Variants in TMEM100 observed in about 807,000 individuals in gnomAD.
TMEM100 encodes transmembrane protein 100.
For missense variants in TMEM100, 137 were observed against 168.2 expected (o/e 0.81, Z 1.02); for synonymous variants, 61 against 67.1 (o/e 0.91, Z 0.44).
chr17:55,727,028 A>G (rs1909090663), upstream of TMEM100, among the ~76,000 whole-genome samples: 1 of 152,220 alleles, frequency 6.6e-6, no homozygotes, highest in African/African-American at 2.4e-5. Flanking sequence ...GGAAACATAC[A>G]TCTTTTAGAT....
Position 55,720,578 on chromosome 17 carries a change from T to C in TMEM100, c.*88A>G. 6.9e-7 allele frequency: 1 copy of C among 1,456,412 alleles called. No homozygotes were observed. Among genetic ancestry groups the C allele is most frequent in the African/African-American group, 1.4e-5 (1 of 70,454 alleles). 90.2% of individuals were successfully genotyped at this position (1,456,412 alleles called of 1,614,324 possible). Reference sequence around the variant, plus strand: ...CCAGTCTGCTCCAACGCCAAGTCTGTTCTCTCCCACCATGGTTCTGGGTGA... The same window carrying C: ...CCAGTCTGCTCCAACGCCAAGTCTGCTCTCTCCCACCATGGTTCTGGGTGA... On this transcript the variant is annotated 3_prime_UTR_variant, in exon 2 of 2. Transcript: ENST00000424486.
At chr17:55,730,973 C>G (rs921042592) in intron 1 of TMEM100, among the ~76,000 whole-genome samples, 1 of 152,112 alleles carries the variant, frequency 6.6e-6, no homozygotes, top group African/African-American at 2.4e-5. Context: ...CTTGGTAAAA[C>G]CAATGATCCC....
At position 55,720,430 on chromosome 17, in the gene TMEM100, A is replaced by G. The variant is rs1908829300; in HGVS notation, c.*236T>C. On this transcript the variant is annotated 3_prime_UTR_variant, in exon 2 of 2. Transcript: ENST00000424486. ...ACTCCCATGACCCCCAAAGTGTTTC[A>G]TGTAAATAGAAAGCTGATTTTTCAG... 1.8e-6 allele frequency: 1 copy of G among 554,702 alleles called. No homozygotes were observed. Among genetic ancestry groups the G allele is most frequent in the African/African-American group, 1.9e-5 (1 of 53,206 alleles). The allele number at this position is 554,702 out of a possible 1,614,324, so 34.4% of individuals were successfully genotyped here. A position where few individuals can be genotyped will look rare whatever the true frequency, so the allele number is the denominator to read the frequency against.
Position 55,720,781 on chromosome 17 carries a change from A to T in TMEM100, c.290T>A (p.Leu97His). The T allele has an allele frequency of 2.5e-6, 4 of 1,614,230 alleles. No homozygotes were observed. Among genetic ancestry groups the T allele is most frequent in the Non-Finnish European group, 3.4e-6 (4 of 1,180,040 alleles). ...CAAGGCACTGGAGGCTAGTAAAAAAAGTCCAGATGACAGAACAACCAGGCC... is the reference window on the plus strand; with the variant it reads ...CAAGGCACTGGAGGCTAGTAAAAAATGTCCAGATGACAGAACAACCAGGCC... ...IFGLVVLSSGLFLLASSALCW... is the reference protein window; with the variant it reads ...IFGLVVLSSGHFLLASSALCW... Residue 97 changes from leucine to histidine, a missense_variant, in exon 2 of 2, where the codon CTT becomes CAT. By Grantham distance (99) the Leu-to-His change is moderately conservative. Coordinates refer to ENST00000424486, the MANE Select transcript of TMEM100 (RefSeq NM_018286.3).
upstream of TMEM100, among the ~76,000 whole-genome samples, chr17:55,723,382 G>C (rs1908971238): frequency 6.6e-6 from 1 of 152,130 alleles, no homozygotes; most frequent in South Asian, 2.1e-4. Context: ...AATTCATTTA[G>C]GAATGAGGGT....
upstream of TMEM100, among the ~76,000 whole-genome samples, chr17:55,724,962 T>C (rs1909023983): frequency 2.0e-5 from 3 of 152,212 alleles, no homozygotes; most frequent in Admixed American, 2.0e-4. Context: ...CCTGCCTTGA[T>C]ACACAGGTAC....
In TMEM100 at chr17:55,722,603, A is replaced by G. The variant is rs925219461; in HGVS notation, c.-66+16T>C. 2.6e-5 allele frequency: 4 copies of G among 152,200 alleles called. No individual in the cohort carries two copies. The highest frequency in any genetic ancestry group is 6.5e-5 in the Admixed American group (1 of 15,276). The allele number at this position is 152,200 out of a possible 1,614,324, so 9.4% of individuals were successfully genotyped here. A position where few individuals can be genotyped will look rare whatever the true frequency, so the allele number is the denominator to read the frequency against. On this transcript the variant is annotated intron_variant, in intron 1 of 1. Coordinates refer to ENST00000424486, the MANE Select transcript of TMEM100 (RefSeq NM_018286.3). ...ACCTGAAAATCAAGATCTGTCCCCA[A>G]ATTACTTACACTCACCTCGGAGAGA...
chr17:55,722,003 G>A (rs1908908385), intron 1 of TMEM100, among the ~76,000 whole-genome samples: 1 of 152,138 alleles, frequency 6.6e-6, no homozygotes, highest in African/African-American at 2.4e-5. Context: ...AAATAAGCAT[G>A]CTAGGTTTTC....
At chr17:55,731,527 C>G (rs1350012566) in intron 1 of TMEM100, 1 of 152,118 alleles carries the variant, frequency 6.6e-6, no homozygotes, top group East Asian at 1.9e-4. Context: ...AAAATCCTAT[C>G]TGGGCTCAGA....
intron 1 of TMEM100, 195 bp from the exon 2 acceptor site, chr17:55,721,330 G>T: frequency 2.4e-6 from 1 of 414,706 alleles, no homozygotes; most frequent in Non-Finnish European, 4.3e-6. Flanking sequence ...CATATGAAGG[G>T]AAGACAGAAA....
In TMEM100 at chr17:55,720,773, G is replaced by A; in HGVS notation, c.298C>T (p.Leu100=). ...LVVLSSGLFL[L]ASSALCWKVR... is the part of the protein sequence containing the mutation. The stretch of plus-strand genomic sequence containing the variant: ...TTCCAGCACAAGGCACTGGAGGCTA[G>A]TAAAAAAAGTCCAGATGACAGAACA... The change falls in exon 2 of 2, where the codon CTA becomes TTA. Residue 100 remains leucine, a synonymous_variant. Coordinates refer to ENST00000424486, the MANE Select transcript of TMEM100 (RefSeq NM_018286.3). 3 of 1,614,196 alleles carry A rather than the reference G, an allele frequency of 1.9e-6. No individual in the cohort carries two copies. The highest frequency in any genetic ancestry group is 2.5e-6 in the Non-Finnish European group (3 of 1,180,030).
chr17:55,721,879 C>G (rs1255931259), intron 1 of TMEM100: 1 of 152,136 alleles, frequency 6.6e-6, no homozygotes, highest in Admixed American at 6.5e-5. Flanking sequence ...TAATTTTGTG[C>G]TTTCTCTTGG....
chr17:55,729,989 A>C (rs1909165020), intron 1 of TMEM100, among the ~76,000 whole-genome samples: 1 of 152,202 alleles, frequency 6.6e-6, no homozygotes, highest in South Asian at 2.1e-4. Flanking sequence ...CATATGGAGA[A>C]ACGCTTTTGC....
chr17:55,727,766 C>T (rs1909108787), upstream of TMEM100: 1 of 152,132 alleles, frequency 6.6e-6, no homozygotes, highest in Admixed American at 6.5e-5. Flanking sequence ...GTTAGCTTTT[C>T]CCCATTCCAT....
rs1356442052 is a variant in TMEM100, at chr17:55,720,646, C to T, written c.*20G>A. 1 of 1,571,344 alleles carries T rather than the reference C, an allele frequency of 6.4e-7. No homozygotes were observed. The highest frequency in any genetic ancestry group is 1.4e-5 in the African/African-American group (1 of 73,386). On this transcript the variant is annotated 3_prime_UTR_variant, in exon 2 of 2. Transcript: ENST00000424486. ...GAGCACGTTTTCCAGGCCCAATGGC[C>T]CATTTGGTCGTATTCAGTCTCAAGC...
At chr17:55,724,307 C>T (rs995395057), upstream of TMEM100, among the ~76,000 whole-genome samples, 7 of 152,114 alleles carry the variant, frequency 4.6e-5, no homozygotes, top group African/African-American at 1.7e-4. Context: ...GAATGAAAGC[C>T]AGAGAGAGGG....
chr17:55,725,667 T>C (rs1470541730), upstream of TMEM100, among the ~76,000 whole-genome samples: 7 of 151,842 alleles, frequency 4.6e-5, no homozygotes, highest in African/African-American at 1.7e-4. Context: ...TGGATTTTAC[T>C]CTGTTGTCCT....
intron 1 of TMEM100, among the ~76,000 whole-genome samples, chr17:55,730,330 T>C (rs953774694): frequency 2.0e-5 from 3 of 152,230 alleles, no homozygotes; most frequent in Non-Finnish European, 4.4e-5. Flanking sequence ...CCCAGATATT[T>C]AGTGCTAAGT....
Position 55,720,712 on chromosome 17 carries a change from T to G in TMEM100, c.359A>C (p.Glu120Ala), listed in dbSNP as rs1344106358. Residue 120 changes from glutamate to alanine, a missense_variant, in exon 2 of 2, where the codon GAG becomes GCG. Physicochemically the swap from Glu to Ala is moderately radical, Grantham distance 107 (BLOSUM62 -1). Coordinates refer to ENST00000424486, the MANE Select transcript of TMEM100 (RefSeq NM_018286.3). ...RQRSKKAKRRESQTALVANQR... is the reference protein window; with the variant it reads ...RQRSKKAKRRASQTALVANQR... Reference sequence around the variant, plus strand: ...ATTTGCCACGAGAGCTGTTTGACTCTCCCGTCTCTTGGCTTTCTTGCTCCT... The same window carrying G: ...ATTTGCCACGAGAGCTGTTTGACTCGCCCGTCTCTTGGCTTTCTTGCTCCT... The G allele has an allele frequency of 1.2e-6, 2 of 1,613,788 alleles. No individual in the cohort carries two copies. Among genetic ancestry groups the G allele is most frequent in the East Asian group, 4.5e-5 (2 of 44,898 alleles).
Sources: gnomAD v4.1 joint callset for allele counts (sites outside exome capture counted in the v4.1 genomes callset) on GRCh38, gnomAD v4.1.1 for gene constraint, MANE v1.5 for transcripts, NCBI Gene and HGNC (gene_info 2026-07-23, HGNC 2026-07-21) for gene names.